Variants in ZNF205 observed in about 807,000 individuals in gnomAD.
The protein encoded by ZNF205 is transcriptional repressor RHIT.
In ZNF205, 32 loss-of-function variants were observed where a neutral mutation model predicts 53.6. The observed-to-expected ratio is 0.60, with a 90% CI of 0.45 to 0.80. ZNF205 has a LOEUF of 0.80. Ranked by LOEUF, ZNF205 falls within the 30% of genes least tolerant of loss-of-function variation. The probability of loss-of-function intolerance (pLI) is 0.00; values close to 1 mark genes in which losing one functional copy is unlikely to be tolerated. For synonymous variants in ZNF205, 382 were observed against 334.3 expected (o/e 1.14, Z -1.56); for missense variants, 836 against 782.4 (o/e 1.07, Z -0.82).
At position 3,120,342 on chromosome 16, in the gene ZNF205, G is replaced by A. The variant is rs558195655; in HGVS notation, c.*17G>A. The stretch of plus-strand genomic sequence containing the variant: ...CCCACCTAGGAGGCCAGGAAAGGGG[G>A]AGCGGGGCGCCCAGGGCCACTGGAA... On this transcript the variant is annotated 3_prime_UTR_variant, in exon 7 of 7. Transcript: ENST00000219091. 2.0e-6 allele frequency: 3 copies of A among 1,492,180 alleles called. No homozygotes were observed. The highest frequency in any genetic ancestry group is 2.7e-6 in the Non-Finnish European group (3 of 1,130,434). 92.4% of individuals were successfully genotyped at this position (1,492,180 alleles called of 1,614,324 possible).
In ZNF205 at chr16:3,119,666, T is replaced by A. The variant is rs761235997; in HGVS notation, c.1006T>A (p.Tyr336Asn). 18 of 1,613,146 alleles carry A rather than the reference T, an allele frequency of 1.1e-5. No individual in the cohort carries two copies. The highest frequency in any genetic ancestry group is 1.5e-5 in the Non-Finnish European group (18 of 1,179,792). The change falls in exon 7 of 7, where the codon TAC becomes AAC. Residue 336 changes from tyrosine (Y) to asparagine (N), a missense_variant. Coordinates refer to ENST00000219091, the MANE Select transcript of ZNF205 (RefSeq NM_001042428.2). The part of the protein sequence containing the change: ...HRRTHTGEKP[Y>N]ACTDCGKRFG... ...GCGCACGCACACGGGCGAGAAGCCC[T>A]ACGCCTGCACTGACTGCGGGAAGCG...
chr16:3,118,012 CTTTTT>C (rs71158135), intron 5 of ZNF205, among the ~76,000 whole-genome samples: 97 of 74,292 alleles, frequency 1.3e-3, no homozygotes, highest in Non-Finnish European at 2.0e-3. Flanking sequence ...CCATGCCCGG[CTTTTT>C]TTTTTTTTTT....
Position 3,113,502 on chromosome 16 carries a change from G to A in ZNF205, c.57+15G>A. 1 of 1,612,564 alleles carries A rather than the reference G, an allele frequency of 6.2e-7. No individual in the cohort carries two copies. Among genetic ancestry groups the A allele is most frequent in the South Asian group, 1.1e-5 (1 of 90,864 alleles). ...CACCCCCGGAGGTACAGATGGGGCT[G>A]GCTGAGGGAGGTGTGCGGTAGAAGA... On this transcript the variant is annotated intron_variant, in intron 2 of 6. Coordinates refer to ENST00000219091, the MANE Select transcript of ZNF205 (RefSeq NM_001042428.2).
intron 5 of ZNF205, among the ~76,000 whole-genome samples, chr16:3,118,084 G>C (rs1338996831): frequency 7.3e-6 from 1 of 136,646 alleles, no homozygotes; most frequent in African/African-American, 2.8e-5. Flanking sequence ...GGATGGTCTC[G>C]ATCTCCTGAC....
chr16:3,119,167 C>T, intron 6 of ZNF205, 89 bp from the exon 7 acceptor site: 1 of 1,507,586 alleles, frequency 6.6e-7, no homozygotes, highest in Non-Finnish European at 8.9e-7. Flanking sequence ...CTCTGAGAAT[C>T]CAGCCCCCAC....
At chr16:3,117,950 G>A (rs1487534404) in intron 5 of ZNF205, among the ~76,000 whole-genome samples, 3 of 143,646 alleles carry the variant, frequency 2.1e-5, no homozygotes, top group Non-Finnish European at 4.5e-5. Flanking sequence ...CTGGGTTCAA[G>A]TGATTCTGCT....
At position 3,118,922 on chromosome 16, in the gene ZNF205, C is replaced by G. The variant is rs776922771; in HGVS notation, c.502C>G (p.Pro168Ala). The change falls in exon 6 of 7, where the codon CCT becomes GCT. Residue 168 changes from proline (P) to alanine (A), a missense_variant. Physicochemically the swap from Pro to Ala is conservative, Grantham distance 27. Coordinates refer to ENST00000219091, the MANE Select transcript of ZNF205 (RefSeq NM_001042428.2). ...GLSLGFPFSRPFWAPQAHGKG... is the reference protein window; with the variant it reads ...GLSLGFPFSRAFWAPQAHGKG... ...CTGGGCAGGCTTTCCCTTCAGCAGG[C>G]CTTTCTGGGCCCCTCAAGCGCACGG... is the stretch of plus-strand genomic sequence containing the variant. The G allele has an allele frequency of 1.2e-6, 2 of 1,613,576 alleles. No individual in the cohort carries two copies.
At chr16:3,117,052 C>T (rs1957355162) in intron 5 of ZNF205, among the ~76,000 whole-genome samples, 1 of 152,220 alleles carries the variant, frequency 6.6e-6, no homozygotes, top group East Asian at 1.9e-4. Context: ...CCTTGGCCTC[C>T]CAAAGTGCTG....
chr16:3,115,252 C>A, intron 2 of ZNF205, 103 bp from the exon 3 acceptor site: 1 of 897,402 alleles, frequency 1.1e-6, no homozygotes, highest in Non-Finnish European at 1.6e-6. Context: ...GTCCTTCAAG[C>A]TGCGTCTTGC....
intron 4 of ZNF205, 65 bp from the exon 5 acceptor site, chr16:3,116,362 G>T: frequency 6.3e-7 from 1 of 1,596,474 alleles, no homozygotes. Flanking sequence ...CACATCTCAT[G>T]CCATGGTGTC....
intron 2 of ZNF205, among the ~76,000 whole-genome samples, chr16:3,114,223 T>C (rs894873271): frequency 2.0e-5 from 3 of 152,260 alleles, no homozygotes; most frequent in South Asian, 2.1e-4. Flanking sequence ...ATGTTGGCAT[T>C]CTCTGCTGGC....
chr16:3,118,012 CTTTTTTTTTT>C (rs71158135), intron 5 of ZNF205, among the ~76,000 whole-genome samples: 3 of 74,298 alleles, frequency 4.0e-5, no homozygotes, highest in Admixed American at 3.6e-4. Context: ...CCATGCCCGG[CTTTTTTTTTT>C]TTTTTTTTTT....
Position 3,119,434 on chromosome 16 carries a change from T to G in ZNF205, c.774T>G (p.Asp258Glu), listed in dbSNP as rs1234131128. The change falls in exon 7 of 7, where the codon GAT (aspartate) becomes GAG (glutamate). Residue 258 changes from aspartate (D) to glutamate (E), a missense_variant. By Grantham distance (45) the Asp-to-Glu change is conservative (BLOSUM62 2). Transcript: ENST00000219091. ...AKDSGQPAEP[D>E]RTPDAAPPDP... ...ACTCCGGGCAGCCGGCTGAGCCAGA[T>G]CGCACCCCGGATGCAGCTCCGCCAG... is the stretch of plus-strand genomic sequence containing the variant. The G allele has an allele frequency of 6.3e-7, 1 of 1,597,962 alleles. No individual in the cohort carries two copies. The highest frequency in any genetic ancestry group is 1.3e-5 in the African/African-American group (1 of 74,446).
intron 3 of ZNF205, 74 bp downstream of exon 3, chr16:3,115,642 A>G: frequency 6.7e-7 from 1 of 1,484,112 alleles, no homozygotes; most frequent in Non-Finnish European, 9.0e-7. Context: ...GCCCAGGTCC[A>G]GGTGGGGCTG....
rs1308922366 is a variant in ZNF205 at position 3,116,444 on chromosome 16, G to A, written c.381G>A (p.Glu127=). ...TAWSQMPVTF[E]DVALYLSREE... ...TGTTTCAGATGCCAGTGACTTTCGA[G>A]GATGTGGCCTTGTACCTCTCCCGGG... The change falls in exon 5 of 7, where the codon GAG becomes GAA. Residue 127 remains glutamate, a synonymous_variant. Coordinates refer to ENST00000219091, the MANE Select transcript of ZNF205 (RefSeq NM_001042428.2). 1.2e-6 allele frequency: 2 copies of A among 1,613,970 alleles called. No homozygotes were observed. Among genetic ancestry groups the A allele is most frequent in the African/African-American group, 2.7e-5 (2 of 74,934 alleles).
intron 5 of ZNF205, among the ~76,000 whole-genome samples, chr16:3,118,192 T>TC (rs993088546): frequency 3.3e-5 from 5 of 151,868 alleles, no homozygotes; most frequent in Admixed American, 2.6e-4. Flanking sequence ...CCAGGCAGAA[T>TC]CCAGGACTCA....
In ZNF205 at chr16:3,118,946, G is replaced by T. The variant is rs777772118; in HGVS notation, c.526G>T (p.Gly176Cys). Residue 176 changes from glycine to cysteine, a missense_variant, in exon 6 of 7, where the codon GGC becomes TGC. Gly to Cys is a radical substitution (Grantham distance 159, BLOSUM62 -3). Transcript: ENST00000219091. ...SRPFWAPQAH[G>C]KGEASGSSRQ... ...GCCTTTCTGGGCCCCTCAAGCGCAC[G>T]GCAAGGGTGAGGCCTCGGGCTCCAG... 1.6e-5 allele frequency: 26 copies of T among 1,613,648 alleles called. 1 individual carries two copies. Among genetic ancestry groups the T allele is most frequent in the South Asian group, 5.5e-5 (5 of 91,088 alleles).
In ZNF205 at chr16:3,116,519, C is replaced by T; in HGVS notation, c.456C>T (p.Val152=). The T allele has an allele frequency of 6.2e-7, 1 of 1,614,008 alleles. No homozygotes were observed. Among genetic ancestry groups the T allele is most frequent in the Non-Finnish European group, 8.5e-7 (1 of 1,179,986 alleles). The change falls in exon 5 of 7, where the codon GTC becomes GTT. Residue 152 remains valine, a synonymous_variant. Coordinates refer to ENST00000219091, the MANE Select transcript of ZNF205 (RefSeq NM_001042428.2). ...CGCAGCAGAACTTCTACAGGGATGTCCTGCAGAAGAAAAATGGGCTGTCAC... is the reference window on the plus strand; with the variant it reads ...CGCAGCAGAACTTCTACAGGGATGTTCTGCAGAAGAAAAATGGGCTGTCAC... ...DHTQQNFYRD[V]LQKKNGLSLG...
In ZNF205 at chr16:3,116,536, G is replaced by T; in HGVS notation, c.473G>T (p.Gly158Val). The T allele has an allele frequency of 1.2e-6, 2 of 1,613,830 alleles. No homozygotes were observed. The highest frequency in any genetic ancestry group is 1.7e-6 in the Non-Finnish European group (2 of 1,179,900). ...AGGGATGTCCTGCAGAAGAAAAATG[G>T]GCTGTCACTGGGTAAGCACTCGCCT... ...FYRDVLQKKNGLSLGFPFSRP... is the reference protein window; with the variant it reads ...FYRDVLQKKNVLSLGFPFSRP... Residue 158 changes from glycine (G) to valine (V), a missense_variant, in exon 5 of 7, where the codon GGG becomes GTG. Coordinates refer to ENST00000219091, the MANE Select transcript of ZNF205 (RefSeq NM_001042428.2).
Sources: allele counts gnomAD v4.1 joint callset (sites outside exome capture counted in the v4.1 genomes callset), GRCh38; gene constraint gnomAD v4.1.1; transcripts MANE v1.5; gene names NCBI Gene and HGNC (gene_info 2026-07-23, HGNC 2026-07-21).